Variants in BRSK2 observed in about 807,000 individuals in gnomAD.
The protein encoded by BRSK2 is serine/threonine-protein kinase BRSK2.
Under a neutral mutation model 83.3 loss-of-function variants are expected in BRSK2, and 19 were observed. The observed-to-expected ratio is 0.23, with a 90% CI of 0.16 to 0.33. The LOEUF (loss-of-function observed/expected upper bound fraction) is 0.33. Among genes scored for constraint, BRSK2 ranks in the 10% least tolerant of loss-of-function variants. The pLI, the probability that BRSK2 is intolerant of heterozygous loss-of-function variation, is 1.00. For missense variants in BRSK2, 798 were observed against 1,042.3 expected, an observed-to-expected ratio of 0.77 and a Z score of 3.23; for synonymous variants, 519 against 435.4, an observed-to-expected ratio of 1.19 and a Z score of -2.39.
intron 4 of BRSK2, among the ~76,000 whole-genome samples, chr11:1,441,596 A>G (rs1299379845): frequency 4.7e-4 from 1 of 2,108 alleles, no homozygotes; most frequent in African/African-American, 3.5e-3. Flanking sequence ...CAAGTGCACC[A>G]TCCCCCTCAT....
At position 1,461,096 on chromosome 11, in the gene BRSK2, C is replaced by T. The variant is rs999531283; in HGVS notation, c.*373C>T. On this transcript the variant is annotated 3_prime_UTR_variant, in exon 20 of 20. Transcript: ENST00000528841. ...CCGGGCAGTGAGGCCCAGCCCAGCG[C>T]CCCGTCCACCCCGCGGCAGCTCCTC... 1.3e-6 allele frequency: 2 copies of T among 1,498,618 alleles called. No individual in the cohort carries two copies. Among genetic ancestry groups the T allele is most frequent in the Non-Finnish European group, 1.8e-6 (2 of 1,098,530 alleles). The allele number at this position is 1,498,618 out of a possible 1,614,324, so 92.8% of individuals were successfully genotyped here.
intron 1 of BRSK2, among the ~76,000 whole-genome samples, chr11:1,412,822 C>A (rs1847674229): frequency 6.6e-6 from 1 of 152,180 alleles, no homozygotes; most frequent in Non-Finnish European, 1.5e-5. Context: ...GCCCTGGCCG[C>A]ACACAGCAAC....
chr11:1,411,369 TG>T (rs1158512641), intron 1 of BRSK2: 2 of 1,452,670 alleles, frequency 1.4e-6, no homozygotes, highest in Non-Finnish European at 1.8e-6. Context: ...GGCCCTAGTT[TG>T]GGGAGGGAGC....
Position 1,460,332 on chromosome 11 carries a change from T to C in BRSK2, c.1988-168T>C, listed in dbSNP as rs1352598515. Among the ~76,000 whole-genome samples the C allele has an allele frequency of 3.3e-5, 5 of 151,526 alleles. No homozygotes were observed. The South Asian group carries it at 8.4e-4, about 25-fold the overall frequency. Reference sequence around the variant, plus strand: ...CTGCTTGCCGCCCACCGGTCCCCGCTCGGCCCCATCTCAGCCTCATCTCTG... The same window carrying C: ...CTGCTTGCCGCCCACCGGTCCCCGCCCGGCCCCATCTCAGCCTCATCTCTG... On this transcript the variant is annotated intron_variant, in intron 19 of 19. Transcript: ENST00000528841.
intron 1 of BRSK2, chr11:1,411,188 G>C: frequency 2.4e-6 from 3 of 1,234,612 alleles, no homozygotes; most frequent in Non-Finnish European, 3.0e-6. Context: ...CCTGGTCACT[G>C]AGCCAGCCTT....
chr11:1,405,259 A>C (rs1846788196), intron 1 of BRSK2, among the ~76,000 whole-genome samples: 5 of 152,198 alleles, frequency 3.3e-5, no homozygotes, highest in Admixed American at 2.6e-4. Flanking sequence ...CACTTGGGAC[A>C]GGAGCTGACG....
chr11:1,460,425 C>CGGGG, intron 19 of BRSK2, 75 bp from the exon 20 acceptor site: 1 of 942,218 alleles, frequency 1.1e-6, no homozygotes, highest in Non-Finnish European at 1.4e-6. Context: ...TCCTTCCCTC[C>CGGGG]CCTCCTCTTT....
In BRSK2 at chr11:1,462,185, G is replaced by A. The variant is rs1302821132; in HGVS notation, c.*1462G>A. 1 of 152,264 alleles carries A rather than the reference G, an allele frequency of 6.6e-6. No homozygotes were observed. The highest frequency in any genetic ancestry group is 1.9e-4 in the East Asian group (1 of 5,188). The allele number at this position is 152,264 out of a possible 1,614,324, so 9.4% of individuals were successfully genotyped here. On this transcript the variant is annotated 3_prime_UTR_variant, in exon 20 of 20. Transcript: ENST00000528841. ...CGAGGCCCAGGGCGCAGCCCTCAGAGGGCTGCAGGCCCACCCTGCCCAGTG... is the reference window on the plus strand; with the variant it reads ...CGAGGCCCAGGGCGCAGCCCTCAGAAGGCTGCAGGCCCACCCTGCCCAGTG...
chr11:1,402,795 C>T (rs1038662840), intron 1 of BRSK2, among the ~76,000 whole-genome samples: 6 of 152,138 alleles, frequency 3.9e-5, no homozygotes, highest in Admixed American at 1.3e-4. Flanking sequence ...AGCTGACACA[C>T]GGGGAGGGAA....
intron 13 of BRSK2, 142 bp downstream of exon 13, chr11:1,449,978 TGCTGCTCTGTGGCGCAG>T (rs1845607745): frequency 6.6e-6 from 4 of 610,244 alleles, no homozygotes; most frequent in Middle Eastern, 3.9e-4. Context: ...CTGTGGCGGC[TGCTGCTCTGTGGCGCAG>T]GCTGCTCTGC....
intron 1 of BRSK2, among the ~76,000 whole-genome samples, chr11:1,422,844 G>A (rs1026468982): frequency 6.6e-6 from 1 of 152,192 alleles, no homozygotes; most frequent in African/African-American, 2.4e-5. Flanking sequence ...CGGAGATGAA[G>A]CTTGTGCTGG....
chr11:1,447,781 G>C, intron 12 of BRSK2: 1 of 1,594,540 alleles, frequency 6.3e-7, no homozygotes, highest in Non-Finnish European at 8.5e-7. Flanking sequence ...GTGTTTTCTC[G>C]CTCTGTTCTG....
intron 1 of BRSK2, among the ~76,000 whole-genome samples, chr11:1,413,268 CCCA>C (rs1847746641): frequency 1.3e-5 from 2 of 152,104 alleles, no homozygotes; most frequent in African/African-American, 4.8e-5. Flanking sequence ...GTGCCCTGAC[CCCA>C]CTGTCCACTG....
At chr11:1,458,012 G>A (rs111700004) in intron 18 of BRSK2, among the ~76,000 whole-genome samples, 1 of 152,168 alleles carries the variant, frequency 6.6e-6, no homozygotes, top group Non-Finnish European at 1.5e-5. Context: ...CCATGCCGTC[G>A]GCCGGCAGCA....
At chr11:1,399,110 G>A (rs1240712413) in intron 1 of BRSK2, among the ~76,000 whole-genome samples, 3 of 152,156 alleles carry the variant, frequency 2.0e-5, no homozygotes, top group Non-Finnish European at 4.4e-5. Context: ...AGGCAGCCCC[G>A]CCCCAGGCCA....
chr11:1,447,970 G>GA, intron 12 of BRSK2: 1 of 1,137,852 alleles, frequency 8.8e-7, no homozygotes, highest in Non-Finnish European at 1.3e-6. Context: ...TGGGCTGCAG[G>GA]GCTCCTGCTG....
Position 1,390,180 on chromosome 11 carries a change from G to A in BRSK2, c.-105G>A, listed in dbSNP as rs1198158800. Reference sequence around the variant, plus strand: ...GCAGCGGGGCCCGCGGGGGCGCCCCGGCCGGGTCGGCGCGGACGGCACTCG... The same window carrying A: ...GCAGCGGGGCCCGCGGGGGCGCCCCAGCCGGGTCGGCGCGGACGGCACTCG... On this transcript the variant is annotated 5_prime_UTR_variant, in exon 1 of 20. Transcript: ENST00000528841. The surrounding 1 kb of genome is among the most constrained non-coding windows in gnomAD (Gnocchi z 6.8). 2 of 504,878 alleles carry A rather than the reference G, an allele frequency of 4.0e-6. No homozygotes were observed. The highest frequency in any genetic ancestry group is 6.6e-5 in the Admixed American group (1 of 15,092). 31.3% of individuals were successfully genotyped at this position (504,878 alleles called of 1,614,324 possible).
chr11:1,450,910 G>A (rs1231065386), intron 14 of BRSK2, 116 bp downstream of exon 14: 4 of 1,005,876 alleles, frequency 4.0e-6, no homozygotes, highest in Non-Finnish European at 5.7e-6. Context: ...TGCAGGGGTG[G>A]CCTGGGCCTG....
intron 8 of BRSK2, 95 bp from the exon 9 acceptor site, chr11:1,444,876 C>T (rs974968985): frequency 2.2e-5 from 26 of 1,184,694 alleles, no homozygotes; most frequent in Middle Eastern, 3.8e-4. Flanking sequence ...CTGCTCTCTC[C>T]GTGCTCCCAG....
Sources: allele counts gnomAD v4.1 joint callset (sites outside exome capture counted in the v4.1 genomes callset), GRCh38; gene constraint gnomAD v4.1.1; non-coding constraint Gnocchi (gnomAD v3.1); transcripts MANE v1.5; gene names NCBI Gene and HGNC (gene_info 2026-07-23, HGNC 2026-07-21).